HPSE2: variants seen among roughly 807,000 people sequenced by gnomAD.
HPSE2 encodes the protein inactive heparanase-2.
In HPSE2, 38 loss-of-function variants were observed where a neutral mutation model predicts 60.5. The observed-to-expected ratio is 0.63, with a 90% confidence interval of 0.48 to 0.82. The LOEUF is 0.82. Ranked by LOEUF, HPSE2 falls within the 40% of genes least tolerant of loss-of-function variation. The pLI, the probability that HPSE2 is intolerant of heterozygous loss-of-function variation, is 0.00. For synonymous variants in HPSE2, 295 were observed against 293.2 expected, an observed-to-expected ratio of 1.01 and a Z score of -0.06; for missense variants, 713 against 740.4, an observed-to-expected ratio of 0.96 and a Z score of 0.43.
the HPSE2 span, among the ~76,000 whole-genome samples, chr10:99,291,644 C>G: frequency 6.7e-6 from 1 of 150,344 alleles, no homozygotes. Flanking sequence ...TGGAAATCAA[C>G]CTTTTGGCAT....
chr10:99,069,669 A>G (rs1332801828), intron 3 of HPSE2, among the ~76,000 whole-genome samples: 2 of 151,454 alleles, frequency 1.3e-5, no homozygotes, highest in Non-Finnish European at 2.9e-5. Flanking sequence ...GATGTTACGA[A>G]AAGTATTTAG....
chr10:99,305,012 T>C, the HPSE2 span, among the ~76,000 whole-genome samples: 1 of 152,206 alleles, frequency 6.6e-6, no homozygotes, highest in African/African-American at 2.4e-5. Flanking sequence ...GAGCCTTGAA[T>C]ACAGCCATGG....
At chr10:98,871,431 T>G (rs1254345674) in intron 3 of HPSE2, among the ~76,000 whole-genome samples, 1 of 151,764 alleles carries the variant, frequency 6.6e-6, no homozygotes, top group East Asian at 1.9e-4. Context: ...GATACTGGCT[T>G]AAAAAAAACT....
chr10:99,018,489 A>G (rs963506869), intron 3 of HPSE2, among the ~76,000 whole-genome samples: 1 of 152,238 alleles, frequency 6.6e-6, no homozygotes, highest in African/African-American at 2.4e-5. Context: ...GATTAAACAA[A>G]TAAATATGAA....
intron 3 of HPSE2, among the ~76,000 whole-genome samples, chr10:99,138,202 C>T (rs138217358): frequency 0.037 from 5,705 of 152,242 alleles, 145 homozygotes; most frequent in Middle Eastern, 0.099. Flanking sequence ...TACCATCTCA[C>T]GCCAGTTAGA....
chr10:99,281,064 G>A, the HPSE2 span, among the ~76,000 whole-genome samples: 1 of 151,788 alleles, frequency 6.6e-6, no homozygotes, highest in African/African-American at 2.4e-5. Context: ...AGGATTAAGA[G>A]TTAGTACGTA....
At chr10:98,660,887 T>G (rs1408841306) in intron 6 of HPSE2, among the ~76,000 whole-genome samples, 1 of 152,220 alleles carries the variant, frequency 6.6e-6, no homozygotes, top group Non-Finnish European at 1.5e-5. Context: ...ACACTCTCAG[T>G]GAACCTCAAA....
At chr10:98,641,788 CT>C in intron 7 of HPSE2, 58 bp downstream of exon 7, 6 of 1,325,064 alleles carry the variant, frequency 4.5e-6, no homozygotes, top group South Asian at 1.2e-5. Flanking sequence ...GACTTTGTGT[CT>C]TTTTCCTTGT....
intron 2 of HPSE2, among the ~76,000 whole-genome samples, chr10:99,213,092 A>G (rs1849003056): frequency 6.6e-6 from 1 of 152,172 alleles, no homozygotes; most frequent in South Asian, 2.1e-4. Context: ...CAGGTAGGAA[A>G]GAGAATTGGC....
intron 3 of HPSE2, among the ~76,000 whole-genome samples, chr10:99,061,324 C>T (rs985425695): frequency 6.6e-6 from 1 of 152,166 alleles, no homozygotes; most frequent in Admixed American, 6.5e-5. Flanking sequence ...ACCAAGTCCT[C>T]AAGTGATGTG....
intron 3 of HPSE2, among the ~76,000 whole-genome samples, chr10:99,069,814 AACC>A (rs1564782181): frequency 6.6e-6 from 1 of 152,000 alleles, no homozygotes; most frequent in Admixed American, 6.6e-5. Flanking sequence ...TTACACAGAC[AACC>A]ACTGTAAGAG....
In HPSE2 at chr10:98,599,372, C is replaced by G. The variant is rs186450448; in HGVS notation, c.1320+15532G>C. Among the ~76,000 whole-genome samples the G allele has an allele frequency of 5.5e-4, 84 of 152,270 alleles. 2 individuals carry two copies. Among genetic ancestry groups the G allele is most frequent in the Admixed American group, 4.9e-3 (75 of 15,300 alleles). On this transcript the variant is annotated intron_variant, in intron 9 of 11. Transcript: ENST00000370552. The stretch of plus-strand genomic sequence containing the variant: ...TAAGACTGCAGGGGTGGTTTGGATA[C>G]TGTGTCTGCTGGGGCTGGCCTGACC...
At chr10:99,200,347 C>T (rs1848535087) in intron 2 of HPSE2, among the ~76,000 whole-genome samples, 4 of 152,016 alleles carry the variant, frequency 2.6e-5, no homozygotes, top group Non-Finnish European at 4.4e-5. Flanking sequence ...AACCAGATTT[C>T]TCGTTAGGAA....
chr10:99,285,284 T>A, the HPSE2 span, among the ~76,000 whole-genome samples: 32 of 149,680 alleles, frequency 2.1e-4, 1 homozygote, highest in Admixed American at 6.7e-5. Flanking sequence ...GAAAAAAAAA[T>A]TAGCTGGGCA....
chr10:99,098,898 A>G (rs1843824968), intron 3 of HPSE2, among the ~76,000 whole-genome samples: 1 of 152,242 alleles, frequency 6.6e-6, no homozygotes, highest in Non-Finnish European at 1.5e-5. Context: ...CATAAAGAGC[A>G]GGTCTGATTT....
the HPSE2 span, among the ~76,000 whole-genome samples, chr10:99,297,956 T>C: frequency 5.3e-5 from 8 of 152,224 alleles, no homozygotes; most frequent in Non-Finnish European, 1.0e-4. Context: ...TGAAGTATTA[T>C]TTTCTTAATT....
intron 3 of HPSE2, among the ~76,000 whole-genome samples, chr10:99,114,559 T>C (rs1844597055): frequency 1.3e-5 from 2 of 152,270 alleles, no homozygotes; most frequent in East Asian, 1.9e-4. Context: ...CTGAAATTCA[T>C]AAAGACAAAG....
At chr10:98,810,791 C>A (rs1565180234) in intron 3 of HPSE2, among the ~76,000 whole-genome samples, 1 of 152,020 alleles carries the variant, frequency 6.6e-6, no homozygotes, top group Non-Finnish European at 1.5e-5. Flanking sequence ...ATAAATCACA[C>A]ACAAAAATAT....
intron 11 of HPSE2, among the ~76,000 whole-genome samples, chr10:98,466,049 CT>C: frequency 1.3e-5 from 2 of 152,232 alleles, no homozygotes; most frequent in Admixed American, 1.3e-4. Context: ...GCCCACCTGT[CT>C]ACAGTCTCTG....
Sources: gnomAD v4.1 joint callset for allele counts (sites outside exome capture counted in the v4.1 genomes callset) on GRCh38, gnomAD v4.1.1 for gene constraint, MANE v1.5 for transcripts, NCBI Gene and HGNC (gene_info 2026-07-23, HGNC 2026-07-21) for gene names.